The following PLVAP variants were observed in gnomAD, a reference collection of about 807,000 sequenced individuals.
The protein encoded by PLVAP is plasmalemma vesicle-associated protein.
Under a neutral mutation model 43.1 loss-of-function variants are expected in PLVAP, and 34 were observed. The observed-to-expected ratio is 0.79, with a 90% CI of 0.60 to 1.05. PLVAP has a LOEUF of 1.05. Among genes scored for constraint, PLVAP ranks in the 50% least tolerant of loss-of-function variants. PLVAP has a pLI of 0.00. For missense variants in PLVAP, 574 were observed against 593.4 expected (o/e 0.97, Z 0.34); for synonymous variants, 241 against 237.3 (o/e 1.02, Z -0.14).
At chr19:17,358,601 T>G (rs1370989882) in intron 5 of PLVAP, among the ~76,000 whole-genome samples, 1 of 152,030 alleles carries the variant, frequency 6.6e-6, no homozygotes, top group Non-Finnish European at 1.5e-5. Flanking sequence ...TGAGTCACCA[T>G]CCCTGTGACG....
Position 17,352,211 on chromosome 19 carries a change from T to C in PLVAP, c.*151A>G, listed in dbSNP as rs2074488695. 2.4e-5 allele frequency: 25 copies of C among 1,040,364 alleles called. No homozygotes were observed. The South Asian group carries it at 3.6e-4, about 15-fold the overall frequency. 64.4% of individuals were successfully genotyped at this position (1,040,364 alleles called of 1,614,324 possible). A position where few individuals can be genotyped will look rare whatever the true frequency, so the allele number is the denominator to read the frequency against. On this transcript the variant is annotated 3_prime_UTR_variant, in exon 6 of 6. Coordinates refer to ENST00000252590, the MANE Select transcript of PLVAP (RefSeq NM_031310.3). ...CGCGGGTGCGGGTGTGAGAGGGTAC[T>C]AGGGGTTTGCATGCAGGGAGTTGTC...
intron 1 of PLVAP, among the ~76,000 whole-genome samples, chr19:17,375,095 T>A (rs1236177384): frequency 6.6e-6 from 1 of 152,138 alleles, no homozygotes; most frequent in Admixed American, 6.6e-5. Flanking sequence ...GTGCTGGGAT[T>A]ACAGGTGTTA....
intron 3 of PLVAP, among the ~76,000 whole-genome samples, chr19:17,361,923 T>TA (rs113828333): frequency 0.56 from 80,089 of 142,956 alleles, 22,067 homozygotes; most frequent in African/African-American, 0.65. Context: ...TAAAAAAAAA[T>TA]AAAAAAAAAA....
chr19:17,377,134 A>G lies in PLVAP; in HGVS notation c.155T>C (p.Val52Ala), dbSNP rs780248527. Reference protein sequence around the residue: ...GLVLFMVYGNVHVSTESNLQA... With the variant: ...GLVLFMVYGNAHVSTESNLQA... ...CAGGTTGGACTCTGTGCTCACGTGC[A>G]CGTTGCCATAGACCATGAAGAGCAC... Residue 52 changes from valine (V) to alanine (A), a missense_variant, in exon 1 of 6, where the codon GTG (valine) becomes GCG (alanine). By Grantham distance (64) the Val-to-Ala change is moderately conservative (BLOSUM62 0). Coordinates refer to ENST00000252590, the MANE Select transcript of PLVAP (RefSeq NM_031310.3). The G allele has an allele frequency of 2.5e-6, 4 of 1,614,118 alleles. No homozygotes were observed. In the South Asian group the frequency reaches 4.4e-5, roughly 18 times the overall value.
chr19:17,354,624 C>T (rs970538797), intron 5 of PLVAP, among the ~76,000 whole-genome samples: 104 of 143,854 alleles, frequency 7.2e-4, no homozygotes, highest in Non-Finnish European at 1.1e-3. Flanking sequence ...AAGGGCCGGG[C>T]GCTGTGACTC....
At chr19:17,355,375 G>A (rs1007750819) in intron 5 of PLVAP, among the ~76,000 whole-genome samples, 4 of 151,754 alleles carry the variant, frequency 2.6e-5, no homozygotes, top group African/African-American at 4.8e-5. Flanking sequence ...TTTAAAAAAC[G>A]TTTTAGAGGC....
rs772390456 is a variant in PLVAP at position 17,377,247 on chromosome 19, C to A, written c.42G>T (p.Ala14=). ...AMEHGGSYAR[A]GGSSRGCWYY... is the part of the protein sequence containing the mutation. ...ACCAGCAGCCCCGAGAGCTGCCCCC[C>A]GCCCGAGCGTAGGACCCTCCGTGCT... The change falls in exon 1 of 6, where the codon GCG becomes GCT. Residue 14 remains alanine (A), a synonymous_variant. Coordinates refer to ENST00000252590, the MANE Select transcript of PLVAP (RefSeq NM_031310.3). 30 of 1,613,846 alleles carry A rather than the reference C, an allele frequency of 1.9e-5. No individual in the cohort carries two copies. Among genetic ancestry groups the A allele is most frequent in the African/African-American group, 2.7e-5 (2 of 74,940 alleles).
Position 17,377,083 on chromosome 19 carries a change from C to T in PLVAP, c.206G>A (p.Gly69Asp), listed in dbSNP as rs769038147. 15 of 1,614,162 alleles carry T rather than the reference C, an allele frequency of 9.3e-6. No individual in the cohort carries two copies. In the East Asian group the frequency reaches 2.7e-4, roughly 29 times the overall value. Residue 69 changes from glycine (G) to aspartate (D), a missense_variant, in exon 1 of 6, where the codon GGC becomes GAC. Physicochemically the swap from Gly to Asp is moderately conservative, Grantham distance 94. Transcript: ENST00000252590. ...GAGCCCTAGGAGCTGACTGTATAGGCCCTCGGCTCGGCGCTCGGTGGCCTG... is the reference window on the plus strand; with the variant it reads ...GAGCCCTAGGAGCTGACTGTATAGGTCCTCGGCTCGGCGCTCGGTGGCCTG... ...NLQATERRAE[G>D]LYSQLLGLTA...
chr19:17,360,648 A>G, intron 4 of PLVAP, 39 bp from the exon 5 acceptor site: 1 of 1,593,170 alleles, frequency 6.3e-7, no homozygotes, highest in Non-Finnish European at 8.6e-7. Flanking sequence ...CTACAGCTTC[A>G]GTTGCCCCTG....
At position 17,365,634 on chromosome 19, in the gene PLVAP, G is replaced by A. The variant is rs1028607662; in HGVS notation, c.831C>T (p.Ser277=). 16 of 1,613,516 alleles carry A rather than the reference G, an allele frequency of 9.9e-6. No individual in the cohort carries two copies. The highest frequency in any genetic ancestry group is 2.2e-5 in the South Asian group (2 of 91,096). Reference sequence around the variant, plus strand: ...GCTCCTCCACCTTGGAGCTCATGAGGCTGGGCATGTGGTCGCAGGCTCTGC... The same window carrying A: ...GCTCCTCCACCTTGGAGCTCATGAGACTGGGCATGTGGTCGCAGGCTCTGC... The part of the protein sequence containing the change: ...SIRRACDHMP[S]LMSSKVEELA... Residue 277 remains serine (S), a synonymous_variant, in exon 3 of 6, where the codon AGC becomes AGT. Coordinates refer to ENST00000252590, the MANE Select transcript of PLVAP (RefSeq NM_031310.3).
At chr19:17,368,991 A>G (rs1011539002) in intron 1 of PLVAP, among the ~76,000 whole-genome samples, 4 of 152,082 alleles carry the variant, frequency 2.6e-5, no homozygotes, top group African/African-American at 9.6e-5. Context: ...TCAAAAAAAC[A>G]AACAAACAAA....
chr19:17,372,950 C>T (rs1442772102), intron 1 of PLVAP, among the ~76,000 whole-genome samples: 1 of 149,648 alleles, frequency 6.7e-6, no homozygotes, highest in Non-Finnish European at 1.5e-5. Context: ...CCTGTAGACC[C>T]AGCTACTCGG....
intron 1 of PLVAP, among the ~76,000 whole-genome samples, chr19:17,371,349 C>T (rs1032690331): frequency 3.3e-5 from 5 of 151,506 alleles, no homozygotes; most frequent in African/African-American, 4.8e-5. Context: ...TTAGTAGAGA[C>T]GGGGTTGCAC....
At chr19:17,360,456 C>T in intron 5 of PLVAP, 72 bp downstream of exon 5, 3 of 1,482,796 alleles carry the variant, frequency 2.0e-6, no homozygotes, top group Non-Finnish European at 2.8e-6. Context: ...AGCCTCCCTC[C>T]ACCCTCAGTC....
intron 1 of PLVAP, among the ~76,000 whole-genome samples, chr19:17,367,419 G>A (rs1306325628): frequency 1.4e-5 from 2 of 147,422 alleles, no homozygotes; most frequent in African/African-American, 5.1e-5. Flanking sequence ...ACAGAGTTTC[G>A]CTCTTGTTGC....
At position 17,376,833 on chromosome 19, in the gene PLVAP, C is replaced by T. The variant is rs559765605; in HGVS notation, c.369+87G>A. On this transcript the variant is annotated intron_variant, in intron 1 of 5. Transcript: ENST00000252590. ...AGAGCATTGGTCCTGTGATCGTCCCCCTCTCTTGGATGAGGAAACTCAGGC... is the reference window on the plus strand; with the variant it reads ...AGAGCATTGGTCCTGTGATCGTCCCTCTCTCTTGGATGAGGAAACTCAGGC... 181 of 1,288,704 alleles carry T rather than the reference C, an allele frequency of 1.4e-4. 3 individuals are homozygous for T. The Admixed American group carries it at 4.1e-3, about 29-fold the overall frequency. The allele number at this position is 1,288,704 out of a possible 1,614,324, so 79.8% of individuals were successfully genotyped here.
At chr19:17,359,232 A>G (rs1257628672) in intron 5 of PLVAP, among the ~76,000 whole-genome samples, 3 of 149,396 alleles carry the variant, frequency 2.0e-5, no homozygotes, top group Non-Finnish European at 4.4e-5. Context: ...CCTCCGGAGT[A>G]GCTGGGATTA....
At chr19:17,369,635 CAAA>C (rs35419530) in intron 1 of PLVAP, among the ~76,000 whole-genome samples, 6 of 124,440 alleles carry the variant, frequency 4.8e-5, no homozygotes, top group Non-Finnish European at 5.3e-5. Flanking sequence ...ACTCTATGTC[CAAA>C]AAAAAAAAAA....
Position 17,374,796 on chromosome 19 carries a change from T to TTGTATGTA in PLVAP, c.369+2116_369+2123dup, listed in dbSNP as rs776250486. ...ATGTGCCACCATGCCTGACTAATTT[T>TTGTATGTA]TGTATGTATGTATGTATGTATGTAT... is the stretch of plus-strand genomic sequence containing the variant. On this transcript the variant is annotated intron_variant, in intron 1 of 5. Transcript: ENST00000252590. Among the ~76,000 whole-genome samples the TTGTATGTA allele has an allele frequency of 2.1e-4, 30 of 141,254 alleles. No homozygotes were observed. In the Middle Eastern group the frequency reaches 0.011, roughly 51 times the overall value. 92.7% of individuals were successfully genotyped at this position (141,254 alleles called of 152,430 possible).
Sources: allele counts gnomAD v4.1 joint callset (sites outside exome capture counted in the v4.1 genomes callset), GRCh38; gene constraint gnomAD v4.1.1; transcripts MANE v1.5; gene names NCBI Gene and HGNC (gene_info 2026-07-23, HGNC 2026-07-21).